The following COMMD10 variants were observed in gnomAD, a reference collection of about 807,000 sequenced individuals.
COMMD10 encodes COMM domain containing 10, also known as COMM domain-containing protein 10.
In COMMD10, 33 loss-of-function variants were observed where a neutral mutation model predicts 28.9. That is an observed-to-expected ratio of 1.14 (90% confidence interval 0.87 to 1.53). The LOEUF is 1.53. COMMD10 is among the 40% of genes most tolerant of loss of function. COMMD10 has a pLI of 0.00. For synonymous variants in COMMD10, 110 were observed against 81.7 expected (o/e 1.35, Z -1.87); for missense variants, 310 against 233.4 (o/e 1.33, Z -2.14).
intron 5 of COMMD10, among the ~76,000 whole-genome samples, chr5:116,254,138 GTGATATCCCCTTTATCATTTTTTA>G (rs1190082951): frequency 4.0e-5 from 6 of 151,862 alleles, no homozygotes; most frequent in Non-Finnish European, 7.4e-5. Context: ...GGGATCGGTG[GTGATATCCCCTTTATCATTTTTTA>G]TTGCGTCTAT....
chr5:116,192,035 C>T (rs547953770), intron 5 of COMMD10, among the ~76,000 whole-genome samples: 23 of 150,018 alleles, frequency 1.5e-4, no homozygotes, highest in African/African-American at 4.4e-4. Context: ...CGGGTAGACT[C>T]GGTGGCTAGA....
intron 5 of COMMD10, among the ~76,000 whole-genome samples, chr5:116,189,817 T>C (rs1375359061): frequency 6.6e-6 from 1 of 152,228 alleles, no homozygotes; most frequent in African/African-American, 2.4e-5. Context: ...TTCATGTATT[T>C]TAGCAAAATG....
chr5:116,247,213 T>C (rs1749976950), intron 5 of COMMD10, among the ~76,000 whole-genome samples: 1 of 152,044 alleles, frequency 6.6e-6, no homozygotes, highest in South Asian at 2.1e-4. Flanking sequence ...AACAGTCATA[T>C]GAAAAAAAGC....
chr5:116,279,191 A>T (rs1006825115), intron 5 of COMMD10, among the ~76,000 whole-genome samples: 1 of 151,816 alleles, frequency 6.6e-6, no homozygotes, highest in Non-Finnish European at 1.5e-5. Flanking sequence ...CTGCCTGGAC[A>T]TGCAGTGCAT....
At chr5:116,206,004 C>T (rs1217269449) in intron 5 of COMMD10, among the ~76,000 whole-genome samples, 3 of 152,128 alleles carry the variant, frequency 2.0e-5, no homozygotes, top group Non-Finnish European at 2.9e-5. Flanking sequence ...AGTAAAAGGG[C>T]ACTTGAGAAA....
At position 116,288,797 on chromosome 5, in the gene COMMD10, C is replaced by T. The variant is rs185265; in HGVS notation, c.511-2720C>T. 1.7e-3 allele frequency among the ~76,000 whole-genome samples: 237 copies of T among 143,556 alleles called. 1 individual carries two copies. The East Asian group carries it at 0.043, about 26-fold the overall frequency. The allele number at this position is 143,556 out of a possible 152,430, so 94.2% of individuals were successfully genotyped here. ...TCTGTTTGGTTCTTTTTTATAGTTT[C>T]TGTGTTTTTCTTGATGTTCTCGTTT... On this transcript the variant is annotated intron_variant, in intron 5 of 6. Coordinates refer to ENST00000274458, the MANE Select transcript of COMMD10 (RefSeq NM_016144.4).
intron 5 of COMMD10, among the ~76,000 whole-genome samples, chr5:116,277,474 A>G (rs1302458426): frequency 6.6e-6 from 1 of 151,888 alleles, no homozygotes; most frequent in Admixed American, 6.6e-5. Context: ...CCTTAAATTA[A>G]CCACATATCT....
intron 5 of COMMD10, among the ~76,000 whole-genome samples, chr5:116,279,667 C>A (rs1406902064): frequency 6.6e-6 from 1 of 151,760 alleles, no homozygotes; most frequent in Non-Finnish European, 1.5e-5. Context: ...AGAATTTTAA[C>A]CTGAATGAAA....
At chr5:116,204,966 T>A (rs1026681043) in intron 5 of COMMD10, among the ~76,000 whole-genome samples, 5 of 152,088 alleles carry the variant, frequency 3.3e-5, no homozygotes, top group African/African-American at 1.2e-4. Context: ...CTTCTGTTTG[T>A]TTTTTGAATT....
intron 5 of COMMD10, among the ~76,000 whole-genome samples, chr5:116,200,533 T>C (rs1748640116): frequency 6.6e-6 from 1 of 152,054 alleles, no homozygotes; most frequent in African/African-American, 2.4e-5. Context: ...TTTCTCTTTC[T>C]TCTTCTACAA....
intron 5 of COMMD10, among the ~76,000 whole-genome samples, chr5:116,144,989 G>A (rs746606315): frequency 6.6e-6 from 1 of 151,746 alleles, no homozygotes; most frequent in Non-Finnish European, 1.5e-5. Flanking sequence ...GAGCACAAAC[G>A]GAAAGGTAGG....
intron 5 of COMMD10, among the ~76,000 whole-genome samples, chr5:116,226,685 C>A (rs958426387): frequency 6.6e-6 from 1 of 151,978 alleles, no homozygotes; most frequent in Non-Finnish European, 1.5e-5. Flanking sequence ...GAAGCCAATA[C>A]CTTGGGAAAT....
At chr5:116,280,239 A>G (rs1751036805) in intron 5 of COMMD10, among the ~76,000 whole-genome samples, 1 of 151,882 alleles carries the variant, frequency 6.6e-6, no homozygotes, top group African/African-American at 2.4e-5. Flanking sequence ...AACATTCTTG[A>G]ATCATAGAAT....
chr5:116,110,266 T>G (rs1364710247), intron 4 of COMMD10, among the ~76,000 whole-genome samples: 1 of 152,210 alleles, frequency 6.6e-6, no homozygotes, highest in Non-Finnish European at 1.5e-5. Context: ...TGTTGGATTC[T>G]GTTTCCTAGT....
chr5:116,190,721 A>C (rs1267885818), intron 5 of COMMD10, among the ~76,000 whole-genome samples: 1 of 152,240 alleles, frequency 6.6e-6, no homozygotes, highest in Non-Finnish European at 1.5e-5. Context: ...CTAAAATATT[A>C]ACAAGGAAAG....
At chr5:116,273,535 T>C (rs1378820947) in intron 5 of COMMD10, among the ~76,000 whole-genome samples, 1 of 151,854 alleles carries the variant, frequency 6.6e-6, no homozygotes, top group Non-Finnish European at 1.5e-5. Context: ...GAAGTTTGTT[T>C]TATTAACTTG....
intron 5 of COMMD10, among the ~76,000 whole-genome samples, chr5:116,232,412 A>T (rs1749550842): frequency 6.6e-6 from 1 of 152,182 alleles, no homozygotes; most frequent in Admixed American, 6.5e-5. Flanking sequence ...TAAACAAGCA[A>T]GATAGGATAA....
intron 5 of COMMD10, among the ~76,000 whole-genome samples, chr5:116,185,301 A>C (rs1032713041): frequency 1.5e-4 from 23 of 152,092 alleles, no homozygotes; most frequent in African/African-American, 5.3e-4. Flanking sequence ...AGATATAAAT[A>C]TGTGGGAAGG....
chr5:116,257,021 C>T (rs1454717157), intron 5 of COMMD10, among the ~76,000 whole-genome samples: 1 of 151,762 alleles, frequency 6.6e-6, no homozygotes, highest in African/African-American at 2.4e-5. Flanking sequence ...GGCTTTCATA[C>T]TTTACCTACA....
Sources: allele counts gnomAD v4.1 joint callset (sites outside exome capture counted in the v4.1 genomes callset), GRCh38; gene constraint gnomAD v4.1.1; transcripts MANE v1.5; gene names NCBI Gene and HGNC (gene_info 2026-07-23, HGNC 2026-07-21).